The following ICA1L variants were observed in gnomAD, a reference collection of about 807,000 sequenced individuals.
The protein encoded by ICA1L is islet cell autoantigen 1-like protein.
A neutral mutation model predicts 61.3 loss-of-function variants in ICA1L; 50 were observed. That is an observed-to-expected ratio of 0.82 (90% CI 0.65 to 1.03). The LOEUF is 1.03. Among genes scored for constraint, ICA1L ranks in the 50% least tolerant of loss-of-function variants. ICA1L has a pLI of 0.00. For synonymous variants in ICA1L, 161 were observed against 191.3 expected (o/e 0.84, Z 1.31); for missense variants, 508 against 556.7 (o/e 0.91, Z 0.88).
chr2:202,841,725 C>T, intron 1 of ICA1L: 1 of 506,242 alleles, frequency 2.0e-6, no homozygotes, highest in Non-Finnish European at 3.9e-6. Context: ...GCCTGGGGGC[C>T]AGAGGACCAC....
At chr2:202,835,706 T>C (rs1694130750) in intron 1 of ICA1L, among the ~76,000 whole-genome samples, 1 of 151,682 alleles carries the variant, frequency 6.6e-6, no homozygotes, top group Admixed American at 6.6e-5. Flanking sequence ...CCACCACACC[T>C]GGCTAATTTT....
At chr2:202,867,727 A>G (rs1432713463) in intron 1 of ICA1L, among the ~76,000 whole-genome samples, 1 of 152,236 alleles carries the variant, frequency 6.6e-6, no homozygotes, top group African/African-American at 2.4e-5. Flanking sequence ...GTCAATTCAA[A>G]GTGCTGGCAA....
At chr2:202,819,564 T>A (rs1235852591) in intron 5 of ICA1L, 137 bp downstream of exon 5, 1 of 683,502 alleles carries the variant, frequency 1.5e-6, no homozygotes, top group Non-Finnish European at 2.5e-6. Context: ...GTACTTCAAC[T>A]ACAGTCTCCA....
chr2:202,861,986 T>C (rs953624788), intron 1 of ICA1L, among the ~76,000 whole-genome samples: 26 of 142,690 alleles, frequency 1.8e-4, no homozygotes, highest in African/African-American at 6.8e-4. Context: ...CTTGACCTAA[T>C]TGACATTTAT....
rs746975341 is a variant in ICA1L at position 202,819,737 on chromosome 2, G to C, written c.522C>G (p.Asp174Glu). ...LWMKDVSQEL[D>E]PDTLKQMEKF... ...TTTCCATTTGCTTTAAGGTGTCTGG[G>C]TCCAGCTCTTGGGATACATCTTTCA... is the stretch of plus-strand genomic sequence containing the variant. The change falls in exon 5 of 13, where the codon GAC (aspartate) becomes GAG (glutamate). Residue 174 changes from aspartate (D) to glutamate (E), a missense_variant. By Grantham distance (45) the Asp-to-Glu change is conservative. Coordinates refer to ENST00000358299, the MANE Select transcript of ICA1L (RefSeq NM_001288622.3). 2 of 1,613,834 alleles carry C rather than the reference G, an allele frequency of 1.2e-6. No individual in the cohort carries two copies. Among genetic ancestry groups the C allele is most frequent in the African/African-American group, 2.7e-5 (2 of 74,852 alleles).
chr2:202,838,245 T>G (rs888889592), intron 1 of ICA1L, among the ~76,000 whole-genome samples: 1 of 152,228 alleles, frequency 6.6e-6, no homozygotes, highest in African/African-American at 2.4e-5. Context: ...ATTTGTGAAT[T>G]TTCAAATGTT....
chr2:202,828,971 C>G lies in ICA1L; in HGVS notation c.39G>C (p.Gln13His). The G allele has an allele frequency of 6.2e-7, 1 of 1,605,550 alleles. No homozygotes were observed. The highest frequency in any genetic ancestry group is 8.5e-7 in the Non-Finnish European group (1 of 1,176,128). ...SFGQPRPEDN[Q>H]SVVRRMQKKY... ...TCTTTTGCATTCTTCTGACTACTGACTGATTATCTTCTGGTCTGGGTTGCC... is the reference window on the plus strand; with the variant it reads ...TCTTTTGCATTCTTCTGACTACTGAGTGATTATCTTCTGGTCTGGGTTGCC... The change falls in exon 2 of 13, where the codon CAG becomes CAC. Residue 13 changes from glutamine (Q) to histidine (H), a missense_variant. Gln to His is a conservative substitution (Grantham distance 24). Transcript: ENST00000358299.
intron 1 of ICA1L, among the ~76,000 whole-genome samples, chr2:202,852,110 G>A (rs1362249362): frequency 6.6e-6 from 1 of 152,078 alleles, no homozygotes; most frequent in Non-Finnish European, 1.5e-5. Context: ...GTATTGCCTA[G>A]GTTTTCTTCT....
intron 1 of ICA1L, among the ~76,000 whole-genome samples, chr2:202,869,083 G>A (rs1302167947): frequency 6.6e-6 from 1 of 152,142 alleles, no homozygotes; most frequent in East Asian, 1.9e-4. Context: ...AGTGAGGCCA[G>A]GCGTGGTGGC....
At chr2:202,820,734 G>T (rs1419742275) in intron 4 of ICA1L, among the ~76,000 whole-genome samples, 1 of 152,138 alleles carries the variant, frequency 6.6e-6, no homozygotes, top group African/African-American at 2.4e-5. Context: ...GTACCTCCAC[G>T]TCACTTCCTT....
intron 11 of ICA1L, among the ~76,000 whole-genome samples, chr2:202,786,372 C>T (rs1422136521): frequency 6.6e-6 from 1 of 150,734 alleles, no homozygotes; most frequent in African/African-American, 2.4e-5. Flanking sequence ...AGGTGAAACC[C>T]CGTCTCTACT....
chr2:202,786,395 A>G (rs1692582295), intron 11 of ICA1L, among the ~76,000 whole-genome samples: 1 of 150,914 alleles, frequency 6.6e-6, no homozygotes. Flanking sequence ...AAAAAATACA[A>G]AAAATTAGCC....
intron 1 of ICA1L, among the ~76,000 whole-genome samples, chr2:202,869,266 G>A (rs7608755): frequency 0.089 from 13,535 of 151,682 alleles, 740 homozygotes; most frequent in Non-Finnish European, 0.13. Flanking sequence ...GCTGAGGCAG[G>A]AGAATGGCGT....
chr2:202,822,317 G>T (rs756276668), intron 3 of ICA1L, among the ~76,000 whole-genome samples: 25 of 152,046 alleles, frequency 1.6e-4, no homozygotes, highest in Admixed American at 3.3e-4. Context: ...ATGAGCCACA[G>T]TGGTTGGCTA....
chr2:202,851,680 C>T (rs1694624723), intron 1 of ICA1L, among the ~76,000 whole-genome samples: 1 of 152,146 alleles, frequency 6.6e-6, no homozygotes, highest in Non-Finnish European at 1.5e-5. Context: ...CTGTTGTTTC[C>T]TGAGTTTTTA....
At position 202,775,760 on chromosome 2, in the gene ICA1L, C is replaced by G. The variant is rs1692200367; in HGVS notation, c.*3773G>C. On this transcript the variant is annotated 3_prime_UTR_variant, in exon 13 of 13. Transcript: ENST00000358299. The stretch of plus-strand genomic sequence containing the variant: ...TCTCAAACTCCCAACTTCAAGTGAT[C>G]TGCCTGCCTTGGCCTCCCAAAGTGC... 6.6e-6 allele frequency: 1 copy of G among 152,254 alleles called. No homozygotes were observed. The highest frequency in any genetic ancestry group is 2.4e-5 in the African/African-American group (1 of 41,460). 9.4% of individuals were successfully genotyped at this position (152,254 alleles called of 1,614,324 possible). A position where few individuals can be genotyped will look rare whatever the true frequency, so the allele number is the denominator to read the frequency against.
chr2:202,841,742 T>C, intron 1 of ICA1L: 1 of 487,754 alleles, frequency 2.1e-6, no homozygotes, highest in East Asian at 5.5e-5. Context: ...CCACCTCTGG[T>C]GGACACCTTG....
intron 7 of ICA1L, among the ~76,000 whole-genome samples, chr2:202,815,104 A>G (rs1019008185): frequency 6.6e-6 from 1 of 152,246 alleles, no homozygotes; most frequent in Non-Finnish European, 1.5e-5. Context: ...AAATACAGCT[A>G]AAGATTTTCA....
rs796219614 is a variant in ICA1L at position 202,806,646 on chromosome 2, C to CA, written c.910+5099dup. On this transcript the variant is annotated intron_variant, in intron 9 of 12. Transcript: ENST00000358299. ...GGCTGACAGGAGTGAGACTCTGTCT[C>CA]AAAAAAAAAAAAAGAAGAAAAGGTA... 2.9e-3 allele frequency among the ~76,000 whole-genome samples: 318 copies of CA among 109,774 alleles called. 2 individuals are homozygous for CA. Among genetic ancestry groups the CA allele is most frequent in the African/African-American group, 3.8e-3 (111 of 29,368 alleles). The allele number at this position is 109,774 out of a possible 152,430, so 72.0% of individuals were successfully genotyped here.
Sources: allele counts gnomAD v4.1 joint callset (sites outside exome capture counted in the v4.1 genomes callset), GRCh38; gene constraint gnomAD v4.1.1; transcripts MANE v1.5; gene names NCBI Gene and HGNC (gene_info 2026-07-23, HGNC 2026-07-21).